The following MGAT5 variants were observed in gnomAD, a reference collection of about 807,000 sequenced individuals.
The protein encoded by MGAT5 is alpha-1,6-mannosylglycoprotein 6-beta-N-acetylglucosaminyltransferase A.
In MGAT5, 30 loss-of-function variants were observed where a neutral mutation model predicts 94.3. The ratio of observed to expected loss-of-function variants is 0.32; its 90% CI spans 0.24 to 0.43. The LOEUF is 0.43. Among genes scored for constraint, MGAT5 ranks in the 20% least tolerant of loss-of-function variants. MGAT5 has a pLI of 1.00. For missense variants in MGAT5, 691 were observed against 905.5 expected (o/e 0.76, Z 3.04); for synonymous variants, 310 against 322.9 (o/e 0.96, Z 0.43).
intron 10 of MGAT5, among the ~76,000 whole-genome samples, chr2:134,392,572 A>G (rs1682475121): frequency 1.3e-5 from 2 of 152,158 alleles, no homozygotes; most frequent in Non-Finnish European, 2.9e-5. Flanking sequence ...GGAGCCCAAG[A>G]GAGTCTTGTG....
At position 134,391,665 on chromosome 2, in the gene MGAT5, A is replaced by G. The variant is rs528254574; in HGVS notation, c.1381-11323A>G. On this transcript the variant is annotated intron_variant, in intron 10 of 15. Transcript: ENST00000281923. ...AGGCCTCACCTCCTAGTACCATCAC[A>G]GGGGGGATAAGGATTTCAATAGCGG... Among the ~76,000 whole-genome samples the G allele has an allele frequency of 5.9e-5, 9 of 152,274 alleles. No homozygotes were observed. The East Asian group carries it at 1.7e-3, about 29-fold the overall frequency.
chr2:134,344,111 G>A (rs891471817), intron 7 of MGAT5, among the ~76,000 whole-genome samples: 1 of 152,276 alleles, frequency 6.6e-6, no homozygotes, highest in East Asian at 1.9e-4. Context: ...ATGGGGTGTT[G>A]CAGATAAGCA....
At chr2:134,304,540 C>T (rs893300428) in intron 2 of MGAT5, among the ~76,000 whole-genome samples, 1 of 152,084 alleles carries the variant, frequency 6.6e-6, no homozygotes, top group Non-Finnish European at 1.5e-5. Flanking sequence ...ATTCATTAGC[C>T]TTTTATGTGG....
intron 1 of MGAT5, among the ~76,000 whole-genome samples, chr2:134,183,072 G>C (rs1688828600): frequency 6.6e-6 from 1 of 152,112 alleles, no homozygotes; most frequent in African/African-American, 2.4e-5. Flanking sequence ...TTACAGGCGT[G>C]AGCCACCGCA....
chr2:134,240,097 G>A (rs1681890832), intron 1 of MGAT5, among the ~76,000 whole-genome samples: 1 of 152,180 alleles, frequency 6.6e-6, no homozygotes, highest in Non-Finnish European at 1.5e-5. Flanking sequence ...TACATAAAGT[G>A]TATAATGAGC....
intron 1 of MGAT5, among the ~76,000 whole-genome samples, chr2:134,194,348 T>G (rs1209798845): frequency 1.3e-5 from 2 of 151,924 alleles, no homozygotes; most frequent in African/African-American, 4.8e-5. Context: ...TATATTAGTT[T>G]GTGGGGGTGG....
Position 134,283,268 on chromosome 2 carries a change from A to G in MGAT5, c.406+12718A>G, listed in dbSNP as rs566118827. On this transcript the variant is annotated intron_variant, in intron 2 of 15. Coordinates refer to ENST00000281923, the MANE Select transcript of MGAT5 (RefSeq NM_002410.5). Reference sequence around the variant, plus strand: ...AGCAGAAACTAGCTCATGGGGCCACATGAGAAAGTGTCTGTGGAGGGAGGG... The same window carrying G: ...AGCAGAAACTAGCTCATGGGGCCACGTGAGAAAGTGTCTGTGGAGGGAGGG... Among the ~76,000 whole-genome samples the G allele has an allele frequency of 4.6e-5, 7 of 151,058 alleles. No homozygotes were observed. The East Asian group carries it at 1.4e-3, about 30-fold the overall frequency.
chr2:134,383,025 A>G (rs1356889661), intron 10 of MGAT5, among the ~76,000 whole-genome samples: 1 of 152,222 alleles, frequency 6.6e-6, no homozygotes, highest in African/African-American at 2.4e-5. Context: ...TCCTTTTAAA[A>G]TATTGCTGTT....
At chr2:134,250,925 T>A (rs1682552541), upstream of MGAT5, among the ~76,000 whole-genome samples, 1 of 152,164 alleles carries the variant, frequency 6.6e-6, no homozygotes, top group Admixed American at 6.5e-5. Context: ...CCTTCTACCT[T>A]CTAAGGAAGC....
At chr2:134,429,662 A>G (rs1190764531) in intron 14 of MGAT5, among the ~76,000 whole-genome samples, 3 of 152,240 alleles carry the variant, frequency 2.0e-5, no homozygotes, top group Non-Finnish European at 4.4e-5. Context: ...TGATTATTTA[A>G]TACATTATGC....
At chr2:134,309,248 A>T (rs1012228017) in intron 2 of MGAT5, among the ~76,000 whole-genome samples, 1 of 152,186 alleles carries the variant, frequency 6.6e-6, no homozygotes, top group Non-Finnish European at 1.5e-5. Flanking sequence ...TTGTTTCCAA[A>T]TTTTGGCTGT....
intron 2 of MGAT5, among the ~76,000 whole-genome samples, chr2:134,282,991 GAAA>G (rs35915258): frequency 4.0e-4 from 55 of 138,300 alleles, no homozygotes; most frequent in South Asian, 2.3e-4. Context: ...AACCAAAACC[GAAA>G]AAAAAAAAAA....
At chr2:134,335,868 T>C (rs1688303984) in intron 4 of MGAT5, among the ~76,000 whole-genome samples, 1 of 152,192 alleles carries the variant, frequency 6.6e-6, no homozygotes. Flanking sequence ...TACATTCTCA[T>C]TCCCCAGTGG....
At chr2:134,159,319 T>C (rs1687624508) in intron 1 of MGAT5, among the ~76,000 whole-genome samples, 1 of 151,880 alleles carries the variant, frequency 6.6e-6, no homozygotes, top group African/African-American at 2.4e-5. Context: ...TTTTCTTCCC[T>C]TCTCTTTGCT....
At chr2:134,270,029 C>T (rs1234600753) in intron 1 of MGAT5, among the ~76,000 whole-genome samples, 1 of 152,212 alleles carries the variant, frequency 6.6e-6, no homozygotes, top group East Asian at 1.9e-4. Flanking sequence ...TCTTGCTGCA[C>T]CCTTGGGGTG....
At chr2:134,420,585 G>C (rs780570146) in intron 12 of MGAT5, among the ~76,000 whole-genome samples, 2 of 152,092 alleles carry the variant, frequency 1.3e-5, no homozygotes, top group Admixed American at 1.3e-4. Context: ...AAAGACGGAG[G>C]GGTGCCAGTT....
upstream of MGAT5, among the ~76,000 whole-genome samples, chr2:134,253,438 G>C (rs1456465909): frequency 6.6e-6 from 1 of 152,150 alleles, no homozygotes; most frequent in African/African-American, 2.4e-5. Flanking sequence ...GAGTGGCCTG[G>C]TCTGTGCTGG....
intron 2 of MGAT5, among the ~76,000 whole-genome samples, chr2:134,295,433 G>A (rs1424439072): frequency 6.6e-6 from 1 of 152,124 alleles, no homozygotes; most frequent in African/African-American, 2.4e-5. Flanking sequence ...CCAAACATAA[G>A]AGCTGCGAAA....
chr2:134,276,250 A>G (rs765582429), intron 2 of MGAT5, among the ~76,000 whole-genome samples: 1 of 151,008 alleles, frequency 6.6e-6, no homozygotes, highest in Non-Finnish European at 1.5e-5. Flanking sequence ...AAACTCCCAG[A>G]AGACTATTTT....
Sources: allele counts gnomAD v4.1 joint callset (sites outside exome capture counted in the v4.1 genomes callset), GRCh38; gene constraint gnomAD v4.1.1; transcripts MANE v1.5; gene names NCBI Gene and HGNC (gene_info 2026-07-23, HGNC 2026-07-21).